MTUS2: variants seen among roughly 807,000 people sequenced by gnomAD.
The protein encoded by MTUS2 is microtubule-associated tumor suppressor candidate 2.
In MTUS2, 40 loss-of-function variants were observed where a neutral mutation model predicts 114.1. The ratio of observed to expected loss-of-function variants is 0.35; its 90% CI spans 0.27 to 0.46. The LOEUF (loss-of-function observed/expected upper bound fraction) is 0.46, where lower values mean the gene tolerates loss of function less well. Among genes scored for constraint, MTUS2 ranks in the 20% least tolerant of loss-of-function variants. The pLI is 1.00. For missense variants in MTUS2, 1,679 were observed against 1,705.4 expected, an observed-to-expected ratio of 0.98 and a Z score of 0.27; for synonymous variants, 688 against 672.0, an observed-to-expected ratio of 1.02 and a Z score of -0.37.
chr13:29,040,890 C>T (rs1342120857), intron 4 of MTUS2, among the ~76,000 whole-genome samples: 1 of 152,180 alleles, frequency 6.6e-6, no homozygotes, highest in East Asian at 1.9e-4. Context: ...CAAAGATTTT[C>T]TCCCACTCTG....
At chr13:29,262,535 TG>T (rs1277588361) in intron 5 of MTUS2, among the ~76,000 whole-genome samples, 3 of 151,714 alleles carry the variant, frequency 2.0e-5, no homozygotes, top group African/African-American at 7.3e-5. Context: ...GAGAACTTTT[TG>T]TTCCCCCCTA....
chr13:29,388,333 A>T (rs1191072742), intron 8 of MTUS2, among the ~76,000 whole-genome samples: 1 of 151,806 alleles, frequency 6.6e-6, no homozygotes, highest in Admixed American at 6.6e-5. Flanking sequence ...CGTTTACCTG[A>T]TTAATTTTGT....
chr13:28,916,309 CGTT>C (rs748047905), intron 2 of MTUS2, among the ~76,000 whole-genome samples: 2 of 151,560 alleles, frequency 1.3e-5, no homozygotes, highest in African/African-American at 2.4e-5. Context: ...GACATATTAG[CGTT>C]GTTTTTTCTG....
chr13:29,462,482 T>C (rs1255110815), intron 9 of MTUS2, among the ~76,000 whole-genome samples: 1 of 152,040 alleles, frequency 6.6e-6, no homozygotes, highest in Non-Finnish European at 1.5e-5. Flanking sequence ...TGCAGTTATA[T>C]GGGTGAGAGA....
chr13:29,503,248 C>A lies in MTUS2; in HGVS notation c.*42C>A, dbSNP rs201657581. The A allele has an allele frequency of 2.5e-6, 4 of 1,600,758 alleles. No individual in the cohort carries two copies. The South Asian group carries it at 4.4e-5, about 18-fold the overall frequency. On this transcript the variant is annotated 3_prime_UTR_variant, in exon 16 of 16. Coordinates refer to ENST00000612955, the MANE Select transcript of MTUS2 (RefSeq NM_001033602.4). ...GCGGGAGCTCCGGCTTCTCGTCCTC[C>A]GGTCTCCACCCTGAGGGAGCACCGA... is the stretch of plus-strand genomic sequence containing the variant.
At chr13:29,198,362 CA>C (rs1271808802) in intron 5 of MTUS2, among the ~76,000 whole-genome samples, 2 of 152,176 alleles carry the variant, frequency 1.3e-5, no homozygotes, top group Admixed American at 6.5e-5. Context: ...TCAGGTTTCT[CA>C]AAGACCAGAT....
At chr13:28,989,022 A>G (rs561045078) in intron 2 of MTUS2, among the ~76,000 whole-genome samples, 2 of 152,344 alleles carry the variant, frequency 1.3e-5, no homozygotes, top group East Asian at 3.9e-4. Context: ...CTTTGAGTCA[A>G]TTGGTTTTGG....
chr13:29,233,981 A>G (rs1319092153), intron 5 of MTUS2, among the ~76,000 whole-genome samples: 1 of 152,176 alleles, frequency 6.6e-6, no homozygotes, highest in Non-Finnish European at 1.5e-5. Flanking sequence ...ACGTAGGACT[A>G]AGCCTACATT....
chr13:29,337,433 G>A (rs113937580), intron 7 of MTUS2, among the ~76,000 whole-genome samples: 1 of 151,956 alleles, frequency 6.6e-6, no homozygotes, highest in Non-Finnish European at 1.5e-5. Context: ...CCCAGAGGAG[G>A]CAGTGCCCCA....
At chr13:29,299,755 G>A (rs1899111350) in intron 6 of MTUS2, among the ~76,000 whole-genome samples, 1 of 151,984 alleles carries the variant, frequency 6.6e-6, no homozygotes, top group East Asian at 1.9e-4. Context: ...CTTGAACTAC[G>A]GCTGCTAACA....
chr13:29,158,781 T>G (rs751196735), intron 5 of MTUS2, among the ~76,000 whole-genome samples: 2 of 151,770 alleles, frequency 1.3e-5, no homozygotes, highest in Non-Finnish European at 2.9e-5. Flanking sequence ...AGCGAAGGAG[T>G]TTTGAATTAT....
chr13:28,951,593 G>A (rs1348388551), intron 2 of MTUS2, among the ~76,000 whole-genome samples: 1 of 152,152 alleles, frequency 6.6e-6, no homozygotes, highest in Non-Finnish European at 1.5e-5. Context: ...GAGGCCAGGA[G>A]TTTGAGACCA....
At chr13:28,865,518 T>C (rs1877246080) in intron 2 of MTUS2, among the ~76,000 whole-genome samples, 1 of 152,236 alleles carries the variant, frequency 6.6e-6, no homozygotes, top group Non-Finnish European at 1.5e-5. Flanking sequence ...CGTGACTTTA[T>C]GATTCCTCTG....
At chr13:29,088,528 T>C (rs1889799125) in intron 4 of MTUS2, among the ~76,000 whole-genome samples, 1 of 152,198 alleles carries the variant, frequency 6.6e-6, no homozygotes, top group Non-Finnish European at 1.5e-5. Context: ...CCCAAATATC[T>C]TCGTTAATGT....
At position 29,024,553 on chromosome 13, in the gene MTUS2, G is replaced by A; in HGVS notation, c.-146G>A. The A allele has an allele frequency of 1.1e-6, 1 of 952,126 alleles. No homozygotes were observed. Among genetic ancestry groups the A allele is most frequent in the Admixed American group, 2.7e-5 (1 of 36,980 alleles). The allele number at this position is 952,126 out of a possible 1,614,324, so 59.0% of individuals were successfully genotyped here. A position where few individuals can be genotyped will look rare whatever the true frequency, so the allele number is the denominator to read the frequency against. ...ATGCTTGGTTTTCAAGCTGTTCTGA[G>A]AATGATTAAAGCAGTGTCGCAAGGT... On this transcript the variant is annotated 5_prime_UTR_variant, in exon 3 of 16. Transcript: ENST00000612955.
chr13:29,449,597 A>C (rs1878542070), intron 9 of MTUS2, among the ~76,000 whole-genome samples: 1 of 152,166 alleles, frequency 6.6e-6, no homozygotes, highest in South Asian at 2.1e-4. Flanking sequence ...TGTGGGACAA[A>C]AGTCTTAAAT....
At chr13:29,298,810 C>T (rs1254685444) in intron 6 of MTUS2, among the ~76,000 whole-genome samples, 4 of 152,092 alleles carry the variant, frequency 2.6e-5, no homozygotes, top group Non-Finnish European at 4.4e-5. Flanking sequence ...AATCATGGTG[C>T]CTCATAAGCT....
At chr13:29,394,497 T>C (rs1457473894) in intron 8 of MTUS2, among the ~76,000 whole-genome samples, 1 of 152,192 alleles carries the variant, frequency 6.6e-6, no homozygotes, top group South Asian at 2.1e-4. Context: ...CAGTCCTTAT[T>C]ATGCAGGTGA....
chr13:29,022,945 G>A (rs766942886), intron 2 of MTUS2, among the ~76,000 whole-genome samples: 2 of 152,176 alleles, frequency 1.3e-5, no homozygotes, highest in Non-Finnish European at 2.9e-5. Context: ...TGCCTAATAT[G>A]TATGCCAGGT....
Sources: gnomAD v4.1 joint callset for allele counts (sites outside exome capture counted in the v4.1 genomes callset) on GRCh38, gnomAD v4.1.1 for gene constraint, MANE v1.5 for transcripts, NCBI Gene and HGNC (gene_info 2026-07-23, HGNC 2026-07-21) for gene names.